CA14: variants seen among roughly 807,000 people sequenced by gnomAD.
CA14 encodes CA-XIV.
Under a neutral mutation model 48.8 loss-of-function variants are expected in CA14, and 44 were observed. The ratio of observed to expected loss-of-function variants is 0.90; its 90% confidence interval spans 0.71 to 1.16. CA14 has a LOEUF of 1.16. CA14 is among the 50% of genes most tolerant of loss of function. The pLI, the probability that CA14 is intolerant of heterozygous loss-of-function variation, is 0.00. For missense variants in CA14, 386 were observed against 401.0 expected (o/e 0.96, Z 0.32); for synonymous variants, 154 against 155.0 (o/e 0.99, Z 0.05).
In CA14 at chr1:150,262,211, G is replaced by A; in HGVS notation, c.310G>A (p.Val104Ile). Residue 104 changes from valine to isoleucine, a missense_variant, in exon 4 of 11, where the codon GTA (valine) becomes ATA (isoleucine). Physicochemically the swap from Val to Ile is conservative, Grantham distance 29 (BLOSUM62 3). Coordinates refer to ENST00000369111, the MANE Select transcript of CA14 (RefSeq NM_012113.3). ...TCTGGGTGGACTTCCCCGAAAATATGTAGCTGCCCAGCTCCACCTGCACTG... is the reference window on the plus strand; with the variant it reads ...TCTGGGTGGACTTCCCCGAAAATATATAGCTGCCCAGCTCCACCTGCACTG... ...LYLGGLPRKY[V>I]AAQLHLHWGQ... 6.2e-7 allele frequency: 1 copy of A among 1,614,136 alleles called. No homozygotes were observed. The highest frequency in any genetic ancestry group is 8.5e-7 in the Non-Finnish European group (1 of 1,179,996).
intron 1 of CA14, among the ~76,000 whole-genome samples, chr1:150,259,512 C>T (rs1380091188): frequency 1.3e-5 from 2 of 152,108 alleles, no homozygotes; most frequent in Non-Finnish European, 2.9e-5. Flanking sequence ...GTAGACCCTG[C>T]CCTGACTCCC....
In CA14 at chr1:150,261,444, G is replaced by T. The variant is rs376697011; in HGVS notation, c.77-15G>T. 2.0e-5 allele frequency: 32 copies of T among 1,611,884 alleles called. No homozygotes were observed. Among genetic ancestry groups the T allele is most frequent in the Middle Eastern group, 1.6e-4 (1 of 6,072 alleles). On this transcript the variant is annotated splice_polypyrimidine_tract_variant and intron_variant, in intron 2 of 10. Coordinates refer to ENST00000369111, the MANE Select transcript of CA14 (RefSeq NM_012113.3). ...GCTGGAGGACAGGACCAATGTCTTT[G>T]GTAACCCCCACCAGGCCCACATGGT...
intron 2 of CA14, 76 bp downstream of exon 2, chr1:150,260,247 G>A (rs1170800177): frequency 4.8e-6 from 7 of 1,449,364 alleles, no homozygotes; most frequent in South Asian, 1.1e-5. Flanking sequence ...CACACTGTGC[G>A]GGTGGGAGGA....
At position 150,262,476 on chromosome 1, in the gene CA14, G is replaced by A. The variant is rs1253664699; in HGVS notation, c.400-49G>A. 2.0e-6 allele frequency: 3 copies of A among 1,537,932 alleles called. No homozygotes were observed. In the African/African-American group the frequency reaches 4.1e-5, roughly 21 times the overall value. On this transcript the variant is annotated intron_variant, in intron 4 of 10. Coordinates refer to ENST00000369111, the MANE Select transcript of CA14 (RefSeq NM_012113.3). Reference sequence around the variant, plus strand: ...TGGTGGCAGCTAGGATCAAGGCCTTGAAGGGGGTGCAGACATTCCATGATT... The same window carrying A: ...TGGTGGCAGCTAGGATCAAGGCCTTAAAGGGGGTGCAGACATTCCATGATT...
chr1:150,262,621 G>A lies in CA14; in HGVS notation c.495+1G>A, dbSNP rs782517824. 1.2e-6 allele frequency: 2 copies of A among 1,609,208 alleles called. No homozygotes were observed. The highest frequency in any genetic ancestry group is 1.7e-6 in the Non-Finnish European group (2 of 1,175,578). On this transcript the variant is annotated splice_donor_variant, in intron 5 of 10. Coordinates refer to ENST00000369111, the MANE Select transcript of CA14 (RefSeq NM_012113.3). LOFTEE classifies it high-confidence loss of function. The stretch of plus-strand genomic sequence containing the variant: ...GGCTGTCCTGGGCATCCTAATTGAG[G>A]TCAGTAGCCCCCAGTCCCTTCCAGG...
At position 150,262,241 on chromosome 1, in the gene CA14, C is replaced by A; in HGVS notation, c.340C>A (p.Gln114Lys). Reference protein sequence around the residue: ...VAAQLHLHWGQKGSPGGSEHQ... With the variant: ...VAAQLHLHWGKKGSPGGSEHQ... ...TGCCCAGCTCCACCTGCACTGGGGT[C>A]AGAAAGGATCCCCAGGGGGGTCAGA... The change falls in exon 4 of 11, where the codon CAG becomes AAG. Residue 114 changes from glutamine (Q) to lysine (K), a missense_variant. Coordinates refer to ENST00000369111, the MANE Select transcript of CA14 (RefSeq NM_012113.3). The A allele has an allele frequency of 6.2e-7, 1 of 1,613,072 alleles. No homozygotes were observed. The highest frequency in any genetic ancestry group is 1.1e-5 in the South Asian group (1 of 90,984).
chr1:150,264,796 A>G lies in CA14; in HGVS notation c.*137A>G. 1 of 581,038 alleles carries G rather than the reference A, an allele frequency of 1.7e-6. No homozygotes were observed. Among genetic ancestry groups the G allele is most frequent in the Non-Finnish European group, 3.0e-6 (1 of 333,334 alleles). 36.0% of individuals were successfully genotyped at this position (581,038 alleles called of 1,614,324 possible). On this transcript the variant is annotated 3_prime_UTR_variant, in exon 11 of 11. Coordinates refer to ENST00000369111, the MANE Select transcript of CA14 (RefSeq NM_012113.3). ...GTCCTCCTTCCCCTGGACATCTCCT[A>G]GAGAGGAATGGACCCAGGCTGTCAT...
intron 1 of CA14, among the ~76,000 whole-genome samples, chr1:150,259,342 G>A (rs1323105456): frequency 1.3e-5 from 2 of 152,130 alleles, no homozygotes; most frequent in Non-Finnish European, 2.9e-5. Context: ...CGTAGGGAGG[G>A]GCTGGACCTG....
Position 150,263,391 on chromosome 1 carries a change from G to A in CA14, c.813G>A (p.Gln271=). The A allele has an allele frequency of 1.2e-6, 2 of 1,614,192 alleles. No homozygotes were observed. Among genetic ancestry groups the A allele is most frequent in the Non-Finnish European group, 1.7e-6 (2 of 1,180,034 alleles). Residue 271 remains glutamine (Q), a synonymous_variant, in exon 8 of 11, where the codon CAG becomes CAA. Coordinates refer to ENST00000369111, the MANE Select transcript of CA14 (RefSeq NM_012113.3). ...ACCGAGCCCTTCAGCCTCTCAATCA[G>A]CGCATGGTCTTTGCTTCTTTCATCC... The part of the protein sequence containing the change: ...QNYRALQPLN[Q]RMVFASFIQA...
In CA14 at chr1:150,263,367, C is replaced by A; in HGVS notation, c.789C>A (p.Tyr263Ter). Reference protein sequence around the residue: ...EEPSKLLVQNYRALQPLNQRM... With the variant: ...EEPSKLLVQN The stretch of plus-strand genomic sequence containing the variant: ...CCTCTAAGCTTCTGGTACAGAACTA[C>A]CGAGCCCTTCAGCCTCTCAATCAGC... Residue 263 changes from tyrosine to a stop codon, truncating the protein, a stop_gained, in exon 8 of 11, where the codon TAC (tyrosine) becomes TAA (stop). Coordinates refer to ENST00000369111, the MANE Select transcript of CA14 (RefSeq NM_012113.3). LOFTEE classifies it high-confidence loss of function. 1 of 1,614,220 alleles carries A rather than the reference C, an allele frequency of 6.2e-7. No homozygotes were observed. The highest frequency in any genetic ancestry group is 1.1e-5 in the South Asian group (1 of 91,080).
chr1:150,258,608 A>T (rs587662105), intron 1 of CA14, among the ~76,000 whole-genome samples: 1 of 152,278 alleles, frequency 6.6e-6, no homozygotes, highest in East Asian at 1.9e-4. Flanking sequence ...TTCCTGCCCA[A>T]CTCAGACCCT....
At chr1:150,263,526 C>T in intron 8 of CA14, 107 bp downstream of exon 8, 1 of 1,606,256 alleles carries the variant, frequency 6.2e-7, no homozygotes, top group Non-Finnish European at 8.5e-7. Flanking sequence ...GTTTCTGGGA[C>T]TTGCTTGGAC....
intron 2 of CA14, chr1:150,260,423 C>G (rs1553847562): frequency 1.7e-6 from 1 of 574,782 alleles, no homozygotes; most frequent in African/African-American, 1.9e-5. Flanking sequence ...AGTGAGGGAG[C>G]TGGGGTGGAA....
chr1:150,261,191 A>G, intron 2 of CA14: 1 of 476,136 alleles, frequency 2.1e-6, no homozygotes, highest in Non-Finnish European at 3.8e-6. Context: ...CAGGTAAGTA[A>G]AAGAGCTACC....
rs901233601 is a variant in CA14, at chr1:150,264,853, C to T, written c.*194C>T. 9.0e-5 allele frequency: 42 copies of T among 467,946 alleles called. No individual in the cohort carries two copies. In the Middle Eastern group the frequency reaches 2.8e-3, roughly 31 times the overall value. 29.0% of individuals were successfully genotyped at this position (467,946 alleles called of 1,614,324 possible). A position where few individuals can be genotyped will look rare whatever the true frequency, so the allele number is the denominator to read the frequency against. On this transcript the variant is annotated 3_prime_UTR_variant, in exon 11 of 11. Transcript: ENST00000369111. ...AAGAACTGCAGAGCCTTCAGCCTCT[C>T]CAAACATGTAGGAGGAAATGAGGAA...
chr1:150,261,056 G>A (rs150185918), intron 2 of CA14: 17 of 175,620 alleles, frequency 9.7e-5, no homozygotes, highest in Non-Finnish European at 1.8e-4. Context: ...CACTGTGCCT[G>A]GCCTATCTAG....
intron 7 of CA14, 37 bp from the exon 8 acceptor site, chr1:150,263,262 C>T: frequency 6.2e-7 from 1 of 1,613,700 alleles, no homozygotes; most frequent in Non-Finnish European, 8.5e-7. Flanking sequence ...CTTCCCACTC[C>T]CCAAAGTAAC....
intron 1 of CA14, 105 bp downstream of exon 1, chr1:150,258,288 G>A: frequency 1.2e-6 from 1 of 853,808 alleles, no homozygotes; most frequent in Non-Finnish European, 1.8e-6. Context: ...CTAGAGGCTG[G>A]AATAATAGGC....
chr1:150,261,241 C>T (rs75902404), intron 2 of CA14: 118 of 562,066 alleles, frequency 2.1e-4, no homozygotes, highest in African/African-American at 1.9e-3. Flanking sequence ...TCATCACTGC[C>T]TCTGGGTAGG....
Sources: allele counts gnomAD v4.1 joint callset (sites outside exome capture counted in the v4.1 genomes callset), GRCh38; gene constraint gnomAD v4.1.1; transcripts MANE v1.5; gene names NCBI Gene and HGNC (gene_info 2026-07-23, HGNC 2026-07-21).